The following STPG2 variants were observed in gnomAD, a reference collection of about 807,000 sequenced individuals.
STPG2 encodes sperm-tail PG-rich repeat-containing protein 2.
A neutral mutation model predicts 54.2 loss-of-function variants in STPG2; 56 were observed. That is an observed-to-expected ratio of 1.03 (90% CI 0.83 to 1.29). The LOEUF (loss-of-function observed/expected upper bound fraction) is 1.29, where lower values mean the gene tolerates loss of function less well. STPG2 is among the 50% of genes most tolerant of loss of function. The pLI, the probability that STPG2 is intolerant of heterozygous loss-of-function variation, is 0.00. For synonymous variants in STPG2, 200 were observed against 181.8 expected (o/e 1.10, Z -0.81); for missense variants, 596 against 544.9 (o/e 1.09, Z -0.93).
At chr4:97,970,303 A>C (rs963170868) in intron 7 of STPG2, among the ~76,000 whole-genome samples, 3 of 152,232 alleles carry the variant, frequency 2.0e-5, no homozygotes, top group Non-Finnish European at 4.4e-5. Context: ...AATTGGAAAA[A>C]AACTATTTTA....
chr4:97,628,152 C>T (rs1486970762), intron 10 of STPG2, among the ~76,000 whole-genome samples: 2 of 152,070 alleles, frequency 1.3e-5, no homozygotes. Context: ...TATAATTTTG[C>T]ATTCTATTCA....
intron 10 of STPG2, among the ~76,000 whole-genome samples, chr4:97,585,801 G>C (rs1732982714): frequency 6.6e-6 from 1 of 151,870 alleles, no homozygotes; most frequent in Non-Finnish European, 1.5e-5. Context: ...AAATTAAACT[G>C]TTATTAGAGC....
chr4:97,719,991 TC>T (rs1342251123), intron 9 of STPG2, among the ~76,000 whole-genome samples: 1 of 151,950 alleles, frequency 6.6e-6, no homozygotes, highest in Non-Finnish European at 1.5e-5. Context: ...AAAAAGACTT[TC>T]TTTTCAGTAT....
chr4:97,672,233 G>A (rs922185436), intron 10 of STPG2, among the ~76,000 whole-genome samples: 33 of 142,146 alleles, frequency 2.3e-4, no homozygotes, highest in African/African-American at 8.6e-4. Context: ...GAGTGCAATG[G>A]CACCATCTTG....
At chr4:97,806,878 A>G (rs1034989413) in intron 9 of STPG2, among the ~76,000 whole-genome samples, 4 of 152,176 alleles carry the variant, frequency 2.6e-5, no homozygotes, top group African/African-American at 9.6e-5. Context: ...GCCTCAAAAC[A>G]TAAGTGCATA....
intron 9 of STPG2, among the ~76,000 whole-genome samples, chr4:97,742,542 T>C (rs1462673363): frequency 2.1e-5 from 3 of 142,528 alleles, no homozygotes; most frequent in African/African-American, 7.7e-5. Flanking sequence ...TGTGTGTGTG[T>C]GTGTGTGTGT....
At chr4:98,114,491 A>T (rs1739452285) in intron 3 of STPG2, among the ~76,000 whole-genome samples, 1 of 152,082 alleles carries the variant, frequency 6.6e-6, no homozygotes, top group South Asian at 2.1e-4. Flanking sequence ...TCAGTATTTT[A>T]AAATACAGCA....
At chr4:97,818,490 G>A (rs550612807) in intron 9 of STPG2, among the ~76,000 whole-genome samples, 5 of 150,364 alleles carry the variant, frequency 3.3e-5, no homozygotes, top group East Asian at 2.0e-4. Context: ...TACTGTACTC[G>A]CCTATTTTCA....
chr4:97,705,331 C>CTT lies in STPG2; in HGVS notation c.1320+7366_1320+7367dup, dbSNP rs148176664. On this transcript the variant is annotated intron_variant, in intron 10 of 10. Transcript: ENST00000295268. ...ACTCCCTTTGTCTAACTTAGAAATT[C>CTT]TTTTTTTTTTCTGAGATGGAGTCTC... Among the ~76,000 whole-genome samples, 135 of 149,172 alleles carry CTT rather than the reference C, an allele frequency of 9.0e-4. 1 individual carries two copies. The East Asian group carries it at 0.017, about 19-fold the overall frequency.
intron 8 of STPG2, among the ~76,000 whole-genome samples, chr4:97,895,491 G>A (rs1730922873): frequency 1.3e-5 from 2 of 151,724 alleles, no homozygotes; most frequent in South Asian, 4.1e-4. Context: ...TATTCCTTCT[G>A]AAATATGGCT....
chr4:97,903,495 T>C (rs1380665326), intron 8 of STPG2, among the ~76,000 whole-genome samples: 2 of 149,290 alleles, frequency 1.3e-5, no homozygotes, highest in African/African-American at 2.5e-5. Flanking sequence ...AGAAAAATAA[T>C]AGACAGTGAG....
intron 8 of STPG2, among the ~76,000 whole-genome samples, chr4:97,849,911 T>C (rs374339004): frequency 2.0e-3 from 309 of 152,192 alleles, no homozygotes; most frequent in African/African-American, 7.3e-3. Flanking sequence ...CCCAGCCATC[T>C]CATTACTGGG....
intron 9 of STPG2, among the ~76,000 whole-genome samples, chr4:97,822,631 T>C (rs1165369813): frequency 6.6e-6 from 1 of 152,212 alleles, no homozygotes; most frequent in African/African-American, 2.4e-5. Context: ...TGATACTTGC[T>C]TGGCTTCTGG....
At chr4:97,696,913 A>C (rs982998181) in intron 10 of STPG2, among the ~76,000 whole-genome samples, 1 of 152,196 alleles carries the variant, frequency 6.6e-6, no homozygotes, top group Admixed American at 6.6e-5. Flanking sequence ...CCCTCAAAAA[A>C]CTATTTGTAA....
chr4:97,561,698 A>C (rs1228643485), intron 10 of STPG2, among the ~76,000 whole-genome samples: 1 of 152,206 alleles, frequency 6.6e-6, no homozygotes, highest in Non-Finnish European at 1.5e-5. Flanking sequence ...TAAATAGGGA[A>C]TCCTTTCCCC....
intron 9 of STPG2, among the ~76,000 whole-genome samples, chr4:97,772,905 A>G (rs1726260946): frequency 6.6e-6 from 1 of 152,184 alleles, no homozygotes; most frequent in Admixed American, 6.5e-5. Context: ...AGCCTGTACC[A>G]TTGCTGTATT....
At chr4:97,475,484 A>C in intron 4 of STPG2, among the ~76,000 whole-genome samples, 1 of 149,326 alleles carries the variant, frequency 6.7e-6, no homozygotes, top group Admixed American at 6.7e-5. Flanking sequence ...TAATACATAT[A>C]TAATATATGC....
intron 10 of STPG2, among the ~76,000 whole-genome samples, chr4:97,618,960 A>G (rs923812330): frequency 3.3e-5 from 5 of 152,176 alleles, no homozygotes; most frequent in South Asian, 2.1e-4. Context: ...ATGATTTATT[A>G]CTAAGTAACT....
intron 9 of STPG2, among the ~76,000 whole-genome samples, chr4:97,798,272 G>T (rs556022125): frequency 1.3e-5 from 2 of 152,232 alleles, no homozygotes; most frequent in East Asian, 1.9e-4. Flanking sequence ...TAATTGTGAT[G>T]TTAGGGTGTC....
Sources: gnomAD v4.1 joint callset for allele counts (sites outside exome capture counted in the v4.1 genomes callset) on GRCh38, gnomAD v4.1.1 for gene constraint, MANE v1.5 for transcripts, NCBI Gene and HGNC (gene_info 2026-07-23, HGNC 2026-07-21) for gene names.